The following ATP2B4 variants were observed in gnomAD, a reference collection of about 807,000 sequenced individuals.
ATP2B4 encodes ATPase plasma membrane Ca2+ transporting 4.
ATP2B4 carries 39 observed loss-of-function variants against 110.3 expected under a neutral mutation model. The observed-to-expected ratio is 0.35, with a 90% CI of 0.27 to 0.46. The LOEUF is 0.46. Ranked by LOEUF, ATP2B4 falls within the 20% of genes least tolerant of loss-of-function variation. The pLI, the probability that ATP2B4 is intolerant of heterozygous loss-of-function variation, is 1.00. For missense variants in ATP2B4, 1,135 were observed against 1,530.9 expected, an observed-to-expected ratio of 0.74 and a Z score of 4.32; for synonymous variants, 538 against 571.7, an observed-to-expected ratio of 0.94 and a Z score of 0.84.
rs1265980909 is a variant in ATP2B4 at position 203,740,624 on chromosome 1, T to C, written c.*770T>C. The C allele has an allele frequency of 6.6e-6, 1 of 152,214 alleles. No individual in the cohort carries two copies. Among genetic ancestry groups the C allele is most frequent in the African/African-American group, 2.4e-5 (1 of 41,452 alleles). 9.4% of individuals were successfully genotyped at this position (152,214 alleles called of 1,614,324 possible). A position where few individuals can be genotyped will look rare whatever the true frequency, so the allele number is the denominator to read the frequency against. On this transcript the variant is annotated 3_prime_UTR_variant, in exon 21 of 21. Coordinates refer to ENST00000357681, the MANE Select transcript of ATP2B4 (RefSeq NM_001684.5). ...AGTGCTGGTAAGAATATTTCTCTGT[T>C]GTTGCCAGGTTACCTTCTGCTTTTA...
At chr1:203,676,144 G>T (rs1664822172) in intron 1 of ATP2B4, among the ~76,000 whole-genome samples, 1 of 152,166 alleles carries the variant, frequency 6.6e-6, no homozygotes, top group African/African-American at 2.4e-5. Context: ...GATGACAAGT[G>T]GTCCCACCCG....
chr1:203,667,678 C>T (rs1026804479), intron 1 of ATP2B4, among the ~76,000 whole-genome samples: 5 of 152,212 alleles, frequency 3.3e-5, no homozygotes, highest in Admixed American at 6.5e-5. Flanking sequence ...CAGCCTTAGA[C>T]GGCAAAGTTT....
intron 20 of ATP2B4, among the ~76,000 whole-genome samples, chr1:203,732,504 G>A (rs1666758931): frequency 6.6e-6 from 1 of 152,150 alleles, no homozygotes; most frequent in South Asian, 2.1e-4. Context: ...AGGAGGATGA[G>A]CCCAGCAACT....
chr1:203,667,679 G>A (rs951309099), intron 1 of ATP2B4, among the ~76,000 whole-genome samples: 8 of 152,176 alleles, frequency 5.3e-5, no homozygotes, highest in African/African-American at 1.7e-4. Flanking sequence ...AGCCTTAGAC[G>A]GCAAAGTTTC....
chr1:203,642,369 A>T (rs1105907), intron 1 of ATP2B4, among the ~76,000 whole-genome samples: 108,331 of 152,092 alleles, frequency 0.71, 40,741 homozygotes, highest in Non-Finnish European at 0.85. Flanking sequence ...CAGGCGTGAA[A>T]CACTGCACCT....
At chr1:203,689,510 A>T (rs967359259) in intron 2 of ATP2B4, among the ~76,000 whole-genome samples, 2 of 152,250 alleles carry the variant, frequency 1.3e-5, no homozygotes, top group Non-Finnish European at 2.9e-5. Context: ...CAAAAGGCTG[A>T]AGGCTATTTT....
intron 1 of ATP2B4, among the ~76,000 whole-genome samples, chr1:203,667,704 C>T (rs74694093): frequency 0.019 from 2,893 of 152,324 alleles, 92 homozygotes; most frequent in African/African-American, 0.065. Flanking sequence ...GCCTCACTGC[C>T]GTGGGACTTC....
chr1:203,693,907 A>G (rs901612358), intron 2 of ATP2B4, among the ~76,000 whole-genome samples: 1 of 152,178 alleles, frequency 6.6e-6, no homozygotes, highest in Non-Finnish European at 1.5e-5. Context: ...GTCACACTAG[A>G]TTGAAGCCTC....
At chr1:203,701,172 A>C (rs1481769294) in intron 6 of ATP2B4, among the ~76,000 whole-genome samples, 1 of 151,818 alleles carries the variant, frequency 6.6e-6, no homozygotes, top group Non-Finnish European at 1.5e-5. Flanking sequence ...GTCTAATGGT[A>C]GCTTGTAAAG....
rs957092043 is a variant in ATP2B4 at position 203,716,236 on chromosome 1, T to C, written c.2406+1959T>C. 1.0e-4 allele frequency among the ~76,000 whole-genome samples: 15 copies of C among 145,046 alleles called. 3 individuals are homozygous for C. The highest frequency in any genetic ancestry group is 3.5e-4 in the African/African-American group (14 of 39,822). ...GTTGGATCATAAAAGAAAAAGACAATGGCAGAATCTGGATAAATCTATTTG... is the reference window on the plus strand; with the variant it reads ...GTTGGATCATAAAAGAAAAAGACAACGGCAGAATCTGGATAAATCTATTTG... On this transcript the variant is annotated intron_variant, in intron 15 of 20. Coordinates refer to ENST00000357681, the MANE Select transcript of ATP2B4 (RefSeq NM_001684.5).
At position 203,744,079 on chromosome 1, in the gene ATP2B4, T is replaced by A. The variant is rs1367425464; in HGVS notation, c.*4225T>A. The A allele has an allele frequency of 6.6e-6, 1 of 152,668 alleles. No individual in the cohort carries two copies. The highest frequency in any genetic ancestry group is 1.5e-5 in the Non-Finnish European group (1 of 68,038). 9.5% of individuals were successfully genotyped at this position (152,668 alleles called of 1,614,324 possible). ...GAGAATAAAAACTCATGCCCACTTGTAACTGTGCTGTCCTCAATGCGTCTC... is the reference window on the plus strand; with the variant it reads ...GAGAATAAAAACTCATGCCCACTTGAAACTGTGCTGTCCTCAATGCGTCTC... On this transcript the variant is annotated 3_prime_UTR_variant, in exon 21 of 21. Transcript: ENST00000357681.
rs574859464 is a variant in ATP2B4 at position 203,731,485 on chromosome 1, G to T, written c.3309+3914G>T. 4.6e-5 allele frequency among the ~76,000 whole-genome samples: 7 copies of T among 152,180 alleles called. No individual in the cohort carries two copies. The South Asian group carries it at 1.5e-3, about 32-fold the overall frequency. On this transcript the variant is annotated intron_variant, in intron 20 of 20. Transcript: ENST00000357681. ...GCTAAAGGGAATTCCTTTTGATTTT[G>T]TCCTTGTTACTTAGGGGTCAGGGAT...
intron 20 of ATP2B4, among the ~76,000 whole-genome samples, chr1:203,730,210 T>C (rs189563482): frequency 1.6e-4 from 23 of 147,686 alleles, no homozygotes; most frequent in Non-Finnish European, 2.5e-4. Context: ...TTACAAGGGA[T>C]GTTATATGAA....
At chr1:203,700,177 A>C in intron 4 of ATP2B4, 29 bp from the exon 5 acceptor site, 1 of 1,603,662 alleles carries the variant, frequency 6.2e-7, no homozygotes, top group Non-Finnish European at 8.5e-7. Flanking sequence ...TATCTCCTTC[A>C]CTGTCCCTCC....
chr1:203,738,765 G>T (rs1666932280), intron 20 of ATP2B4, among the ~76,000 whole-genome samples: 1 of 152,162 alleles, frequency 6.6e-6, no homozygotes, highest in Non-Finnish European at 1.5e-5. Flanking sequence ...TTCTCAATAG[G>T]CAGGAGGAAG....
chr1:203,646,780 TAAAA>T (rs961478812), intron 1 of ATP2B4, among the ~76,000 whole-genome samples: 8 of 151,730 alleles, frequency 5.3e-5, no homozygotes, highest in African/African-American at 1.9e-4. Context: ...TAAATAAAAA[TAAAA>T]AAAGATTCTG....
At chr1:203,630,041 T>C (rs1194870947) in intron 1 of ATP2B4, among the ~76,000 whole-genome samples, 1 of 152,160 alleles carries the variant, frequency 6.6e-6, no homozygotes, top group African/African-American at 2.4e-5. Flanking sequence ...CTAGGCAGAT[T>C]TGTCACACTG....
intron 20 of ATP2B4, chr1:203,733,495 T>C (rs949979914): frequency 7.7e-7 from 1 of 1,299,898 alleles, no homozygotes; most frequent in African/African-American, 1.5e-5. Context: ...TCTTTTCCTT[T>C]TGGTTTTTCC....
intron 1 of ATP2B4, among the ~76,000 whole-genome samples, chr1:203,663,376 G>A (rs559036606): frequency 6.6e-6 from 1 of 152,098 alleles, no homozygotes; most frequent in South Asian, 2.1e-4. Flanking sequence ...CACACCAGGA[G>A]GTGTACCGCC....
Sources: allele counts gnomAD v4.1 joint callset (sites outside exome capture counted in the v4.1 genomes callset), GRCh38; gene constraint gnomAD v4.1.1; transcripts MANE v1.5; gene names NCBI Gene and HGNC (gene_info 2026-07-23, HGNC 2026-07-21).